Variants in RBFOX1 observed in about 807,000 individuals in gnomAD.
The protein encoded by RBFOX1 is RNA binding protein fox-1 homolog 1.
A neutral mutation model predicts 57.7 loss-of-function variants in RBFOX1; 8 were observed. The ratio of observed to expected loss-of-function variants is 0.14; its 90% CI spans 0.08 to 0.25. The LOEUF is 0.25. Ranked by LOEUF, RBFOX1 falls within the 10% of genes least tolerant of loss-of-function variation. The pLI, the probability that RBFOX1 is intolerant of heterozygous loss-of-function variation, is 1.00. For synonymous variants in RBFOX1, 326 were observed against 222.4 expected, an observed-to-expected ratio of 1.47 and a Z score of -4.15; for missense variants, 611 against 548.5, an observed-to-expected ratio of 1.11 and a Z score of -1.14.
At chr16:5,650,323 C>T (rs972857436) in intron 3 of RBFOX1, among the ~76,000 whole-genome samples, 5 of 144,392 alleles carry the variant, frequency 3.5e-5, no homozygotes, top group East Asian at 2.4e-4. Context: ...GAGGCAGCCA[C>T]GGCGGTGGTG....
intron 1 of RBFOX1, among the ~76,000 whole-genome samples, chr16:6,101,771 T>C (rs2096312022): frequency 6.6e-6 from 1 of 152,146 alleles, no homozygotes; most frequent in African/African-American, 2.4e-5. Context: ...AAATATAAAT[T>C]ATTTTTATTG....
intron 4 of RBFOX1, among the ~76,000 whole-genome samples, chr16:7,121,442 G>A (rs2067162167): frequency 6.6e-6 from 1 of 151,992 alleles, no homozygotes; most frequent in Admixed American, 6.6e-5. Context: ...ACATTTGGAA[G>A]TCAAAACTTA....
intron 4 of RBFOX1, among the ~76,000 whole-genome samples, chr16:7,371,031 T>C (rs1350982235): frequency 1.3e-5 from 2 of 152,192 alleles, no homozygotes; most frequent in African/African-American, 4.8e-5. Flanking sequence ...GTCTGTATTT[T>C]TGACTTGCCT....
Position 6,957,598 on chromosome 16 carries a change from C to T in RBFOX1, c.-15-94459C>T, listed in dbSNP as rs550277024. Among the ~76,000 whole-genome samples the T allele has an allele frequency of 4.6e-5, 7 of 152,246 alleles. No individual in the cohort carries two copies. In the South Asian group the frequency reaches 1.5e-3, roughly 32 times the overall value. ...GTTTTGGTGGGTTATGGCATCTTTACTGCAACCTGTTTTATCAGCAAGGTC... is the reference window on the plus strand; with the variant it reads ...GTTTTGGTGGGTTATGGCATCTTTATTGCAACCTGTTTTATCAGCAAGGTC... On this transcript the variant is annotated intron_variant, in intron 3 of 15. Transcript: ENST00000550418.
At chr16:6,215,919 TG>T (rs2097333120) in intron 1 of RBFOX1, among the ~76,000 whole-genome samples, 2 of 152,098 alleles carry the variant, frequency 1.3e-5, no homozygotes. Flanking sequence ...TAAAAGGCAG[TG>T]ATAACTCTCT....
At chr16:7,390,397 A>G (rs1207179049) in intron 4 of RBFOX1, among the ~76,000 whole-genome samples, 1 of 152,196 alleles carries the variant, frequency 6.6e-6, no homozygotes, top group Non-Finnish European at 1.5e-5. Flanking sequence ...TAACTATGAG[A>G]TTTCGATACT....
rs145415019 is a variant in RBFOX1, at chr16:6,956,632, C to A, written c.-15-95425C>A. On this transcript the variant is annotated intron_variant, in intron 3 of 15. Transcript: ENST00000550418. ...TCAAATCCACAGCCCGTCTTCCCTT[C>A]TTGTGCCTGCTATTTGTGGCTGATG... 3.6e-4 allele frequency among the ~76,000 whole-genome samples: 55 copies of A among 152,336 alleles called. No homozygotes were observed. The East Asian group carries it at 9.3e-3, about 26-fold the overall frequency.
intron 2 of RBFOX1, among the ~76,000 whole-genome samples, chr16:5,597,524 C>G (rs1372032302): frequency 6.6e-6 from 1 of 151,556 alleles, no homozygotes; most frequent in Admixed American, 6.6e-5. Context: ...CTTAGCCTCC[C>G]AAGTAGCTGA....
chr16:7,695,790 G>C (rs761219165), intron 14 of RBFOX1, among the ~76,000 whole-genome samples: 1 of 151,956 alleles, frequency 6.6e-6, no homozygotes. Flanking sequence ...GGATATCAGA[G>C]TTTGACAAAA....
At chr16:5,794,174 C>G (rs1426780651) in intron 3 of RBFOX1, among the ~76,000 whole-genome samples, 4 of 152,170 alleles carry the variant, frequency 2.6e-5, no homozygotes, top group Non-Finnish European at 4.4e-5. Flanking sequence ...CAGTAACAAT[C>G]TCTAAGTCAT....
At chr16:7,407,444 G>A (rs2098364381) in intron 4 of RBFOX1, among the ~76,000 whole-genome samples, 1 of 151,814 alleles carries the variant, frequency 6.6e-6, no homozygotes, top group African/African-American at 2.4e-5. Context: ...ACAGCAAAAA[G>A]AAGCCATGAT....
At chr16:7,075,306 T>G (rs577824363) in intron 4 of RBFOX1, among the ~76,000 whole-genome samples, 15 of 152,312 alleles carry the variant, frequency 9.8e-5, no homozygotes, top group Non-Finnish European at 1.5e-4. Flanking sequence ...TAGTTAACAA[T>G]TATTTATAGA....
chr16:7,219,278 G>A (rs2092532350), intron 4 of RBFOX1, among the ~76,000 whole-genome samples: 1 of 152,176 alleles, frequency 6.6e-6, no homozygotes, highest in South Asian at 2.1e-4. Context: ...GGCATATTGT[G>A]CCAAAGTTAA....
intron 3 of RBFOX1, among the ~76,000 whole-genome samples, chr16:7,015,857 A>T (rs932322777): frequency 1.3e-5 from 2 of 152,196 alleles, no homozygotes; most frequent in Non-Finnish European, 2.9e-5. Context: ...TGAAATACTA[A>T]ATTTACTTGG....
chr16:7,485,701 C>G (rs1175189541), intron 4 of RBFOX1, among the ~76,000 whole-genome samples: 1 of 152,184 alleles, frequency 6.6e-6, no homozygotes, highest in Admixed American at 6.5e-5. Context: ...TGAAACACAT[C>G]CATATATAAT....
intron 4 of RBFOX1, among the ~76,000 whole-genome samples, chr16:7,517,147 G>GTGTGTC (rs1434947725): frequency 1.3e-5 from 1 of 74,512 alleles, no homozygotes; most frequent in African/African-American, 5.8e-5. Flanking sequence ...CCGTGTGTGT[G>GTGTGTC]TGTGTGTGTG....
chr16:7,030,196 A>C (rs1039156919), intron 3 of RBFOX1, among the ~76,000 whole-genome samples: 1 of 152,104 alleles, frequency 6.6e-6, no homozygotes, highest in Admixed American at 6.6e-5. Context: ...CATTTTTTCT[A>C]AATGGTTGGA....
intron 4 of RBFOX1, among the ~76,000 whole-genome samples, chr16:7,343,257 C>T (rs912791780): frequency 1.3e-5 from 2 of 152,136 alleles, no homozygotes; most frequent in African/African-American, 2.4e-5. Flanking sequence ...GGAAGCCTTT[C>T]GGGGGGAAAT....
chr16:5,474,060 G>T (rs1266367900), intron 2 of RBFOX1, among the ~76,000 whole-genome samples: 1 of 151,984 alleles, frequency 6.6e-6, no homozygotes, highest in Non-Finnish European at 1.5e-5. Flanking sequence ...AAGGATGAAT[G>T]GGTGCATGGA....
Sources: allele counts gnomAD v4.1 joint callset (sites outside exome capture counted in the v4.1 genomes callset), GRCh38; gene constraint gnomAD v4.1.1; transcripts MANE v1.5; gene names NCBI Gene and HGNC (gene_info 2026-07-23, HGNC 2026-07-21).